Variants in MCTP1 observed in about 807,000 individuals in gnomAD.
The protein encoded by MCTP1 is multiple C2 and transmembrane domain-containing protein 1.
A neutral mutation model predicts 120.6 loss-of-function variants in MCTP1; 69 were observed. The ratio of observed to expected loss-of-function variants is 0.57; its 90% CI spans 0.47 to 0.70. MCTP1 has a LOEUF of 0.70. Ranked by LOEUF, MCTP1 falls within the 30% of genes least tolerant of loss-of-function variation. MCTP1 has a pLI of 0.00. For missense variants in MCTP1, 1,203 were observed against 1,248.8 expected (o/e 0.96, Z 0.55); for synonymous variants, 529 against 493.1 (o/e 1.07, Z -0.96).
At chr5:95,168,639 G>A (rs1261982729) in intron 1 of MCTP1, among the ~76,000 whole-genome samples, 1 of 152,114 alleles carries the variant, frequency 6.6e-6, no homozygotes, top group African/African-American at 2.4e-5. Context: ...TGGATTCCTA[G>A]GTATTTTATT....
intron 17 of MCTP1, among the ~76,000 whole-genome samples, chr5:94,820,920 C>A (rs774165132): frequency 7.2e-5 from 11 of 152,142 alleles, no homozygotes; most frequent in African/African-American, 2.7e-4. Context: ...CTGAGATAGG[C>A]GCTTTTCATA....
chr5:95,081,272 A>G (rs1754862348), intron 1 of MCTP1, among the ~76,000 whole-genome samples: 1 of 152,218 alleles, frequency 6.6e-6, no homozygotes, highest in Non-Finnish European at 1.5e-5. Flanking sequence ...CAAGTAGGTT[A>G]TACTGTAAAT....
At chr5:95,016,686 T>G (rs1178385097) in intron 2 of MCTP1, among the ~76,000 whole-genome samples, 1 of 152,018 alleles carries the variant, frequency 6.6e-6, no homozygotes, top group Non-Finnish European at 1.5e-5. Context: ...GCAGCGCTCA[T>G]ATTCAAAATG....
Position 94,719,609 on chromosome 5 carries a change from C to T in MCTP1, c.2611-4723G>A, listed in dbSNP as rs573886586. On this transcript the variant is annotated intron_variant, in intron 19 of 22. Coordinates refer to ENST00000515393, the MANE Select transcript of MCTP1 (RefSeq NM_024717.7). ...ACATGTTCTCACATGTAAGTGGGAG[C>T]TAAACAATGAGAACATATAGACAAA... is the stretch of plus-strand genomic sequence containing the variant. 3.9e-5 allele frequency among the ~76,000 whole-genome samples: 6 copies of T among 152,190 alleles called. No individual in the cohort carries two copies. In the South Asian group the frequency reaches 1.2e-3, roughly 32 times the overall value.
chr5:95,182,371 G>T (rs2152516846), intron 1 of MCTP1, among the ~76,000 whole-genome samples: 1 of 152,294 alleles, frequency 6.6e-6, no homozygotes, highest in Non-Finnish European at 1.5e-5. Flanking sequence ...TGTATGGTAG[G>T]TTATACAAGA....
intron 8 of MCTP1, among the ~76,000 whole-genome samples, chr5:94,917,539 T>C (rs573629547): frequency 3.4e-4 from 52 of 152,350 alleles, no homozygotes; most frequent in African/African-American, 1.3e-3. Context: ...TTTCAGTATG[T>C]GCCCCATGTG....
At chr5:94,795,119 C>T (rs562622980) in intron 18 of MCTP1, among the ~76,000 whole-genome samples, 16 of 152,172 alleles carry the variant, frequency 1.1e-4, no homozygotes, top group African/African-American at 3.9e-4. Context: ...TGCAATAGAC[C>T]CCTGGTTTGC....
rs1580285905 is a variant in MCTP1 at position 94,717,720 on chromosome 5, C to T, written c.2611-2834G>A. Reference sequence around the variant, plus strand: ...CAAAAATTTCTAGCATTCCTATACACCAACCATAGACAAGCAGAGAGCCAA... The same window carrying T: ...CAAAAATTTCTAGCATTCCTATACATCAACCATAGACAAGCAGAGAGCCAA... On this transcript the variant is annotated intron_variant, in intron 19 of 22. Transcript: ENST00000515393. Among the ~76,000 whole-genome samples, 6 of 152,022 alleles carry T rather than the reference C, an allele frequency of 3.9e-5. No individual in the cohort carries two copies. In the South Asian group the frequency reaches 1.2e-3, roughly 31 times the overall value.
At chr5:94,932,119 C>A in intron 5 of MCTP1, 128 bp from the exon 6 acceptor site, 2 of 531,222 alleles carry the variant, frequency 3.8e-6, no homozygotes, top group Non-Finnish European at 6.6e-6. Flanking sequence ...AATTATACAA[C>A]ACAAAACTTG....
At chr5:94,846,731 C>A (rs190006480) in intron 17 of MCTP1, among the ~76,000 whole-genome samples, 1 of 151,906 alleles carries the variant, frequency 6.6e-6, no homozygotes, top group Non-Finnish European at 1.5e-5. Flanking sequence ...CCAATTAAAC[C>A]GGAATCATTG....
chr5:95,133,304 G>A (rs1195183304), intron 1 of MCTP1, among the ~76,000 whole-genome samples: 2 of 152,110 alleles, frequency 1.3e-5, no homozygotes, highest in Non-Finnish European at 2.9e-5. Flanking sequence ...CCTATACAAA[G>A]ATATCTATCA....
intron 18 of MCTP1, among the ~76,000 whole-genome samples, chr5:94,797,287 G>GC (rs886135677): frequency 8.6e-5 from 13 of 151,888 alleles, no homozygotes; most frequent in African/African-American, 2.7e-4. Context: ...TTGAAGATAA[G>GC]CCCCCCCTCA....
At chr5:95,010,335 T>C (rs1257849799) in intron 2 of MCTP1, among the ~76,000 whole-genome samples, 3 of 152,108 alleles carry the variant, frequency 2.0e-5, no homozygotes, top group African/African-American at 7.2e-5. Flanking sequence ...ATAATTCCGG[T>C]TCAAGCTCTC....
chr5:94,805,533 C>T (rs1782091223), intron 17 of MCTP1, among the ~76,000 whole-genome samples: 1 of 152,046 alleles, frequency 6.6e-6, no homozygotes. Flanking sequence ...GAGGTTGAGG[C>T]AGGAGGAACT....
At chr5:95,013,121 C>T (rs1424796645) in intron 2 of MCTP1, among the ~76,000 whole-genome samples, 1 of 152,096 alleles carries the variant, frequency 6.6e-6, no homozygotes, top group Admixed American at 6.6e-5. Flanking sequence ...GATAGAAGAT[C>T]AAACTAGCCA....
intron 1 of MCTP1, among the ~76,000 whole-genome samples, chr5:95,171,632 A>G (rs1296569692): frequency 6.6e-6 from 1 of 151,676 alleles, no homozygotes; most frequent in East Asian, 1.9e-4. Context: ...TTTTCTCTAA[A>G]CTTCTCTTCT....
At chr5:95,090,707 G>T (rs766726962) in intron 1 of MCTP1, among the ~76,000 whole-genome samples, 6 of 152,012 alleles carry the variant, frequency 3.9e-5, no homozygotes, top group Non-Finnish European at 8.8e-5. Context: ...TGCTTTGGCT[G>T]TCCAGATTCA....
chr5:95,004,493 C>T (rs1041326320), intron 2 of MCTP1, among the ~76,000 whole-genome samples: 38 of 152,198 alleles, frequency 2.5e-4, no homozygotes, highest in African/African-American at 8.9e-4. Flanking sequence ...CCTCCCATCA[C>T]AGGCCAGGAG....
chr5:94,824,730 A>G (rs935950147), intron 17 of MCTP1, among the ~76,000 whole-genome samples: 7 of 152,142 alleles, frequency 4.6e-5, no homozygotes, highest in African/African-American at 1.7e-4. Flanking sequence ...TTATTGGTCT[A>G]TTCAGGGATG....
Sources: allele counts gnomAD v4.1 joint callset (sites outside exome capture counted in the v4.1 genomes callset), GRCh38; gene constraint gnomAD v4.1.1; transcripts MANE v1.5; gene names NCBI Gene and HGNC (gene_info 2026-07-23, HGNC 2026-07-21).